The following SPATA13 variants were observed in gnomAD, a reference collection of about 807,000 sequenced individuals.
SPATA13 encodes spermatogenesis associated 13, also known as spermatogenesis-associated protein 13.
In SPATA13, 50 loss-of-function variants were observed where a neutral mutation model predicts 104.0. The ratio of observed to expected loss-of-function variants is 0.48; its 90% CI spans 0.38 to 0.61. SPATA13 has a LOEUF of 0.61. SPATA13 is among the 20% of genes least tolerant of loss of function. The pLI is 0.00. For synonymous variants in SPATA13, 606 were observed against 667.5 expected (o/e 0.91, Z 1.42); for missense variants, 1,524 against 1,690.6 (o/e 0.90, Z 1.73).
In SPATA13 at chr13:24,090,265, G is replaced by A. The variant is rs1047609363; in HGVS notation, c.-112+72564G>A. On this transcript the variant is annotated intron_variant, in intron 3 of 14. Coordinates refer to the SPATA13 transcript ENST00000424834. The stretch of plus-strand genomic sequence containing the variant: ...TGTGTTGACTTCTCTGCTCTGCTGT[G>A]GCCAGGGTCTTACTCATGCTGCTTG... Among the ~76,000 whole-genome samples the A allele has an allele frequency of 1.4e-4, 21 of 152,032 alleles. 1 individual carries two copies.
At chr13:24,231,449 C>T (rs1315890972) in intron 2 of SPATA13, among the ~76,000 whole-genome samples, 2 of 152,176 alleles carry the variant, frequency 1.3e-5, no homozygotes, top group Non-Finnish European at 2.9e-5. Flanking sequence ...CTTGTTAAGG[C>T]TGCGTAATAT....
intron 3 of SPATA13, among the ~76,000 whole-genome samples, chr13:24,042,461 T>C (rs1436730443): frequency 6.6e-6 from 1 of 152,222 alleles, no homozygotes; most frequent in Non-Finnish European, 1.5e-5. Context: ...ACCAGGCTGC[T>C]GTGTGAAGCC....
intron 3 of SPATA13, among the ~76,000 whole-genome samples, chr13:24,084,495 T>C (rs960406488): frequency 6.6e-6 from 1 of 151,360 alleles, no homozygotes; most frequent in Admixed American, 6.6e-5. Flanking sequence ...TAGCACCACC[T>C]GGGTTTCCTT....
intron 2 of SPATA13, among the ~76,000 whole-genome samples, chr13:24,238,034 T>C (rs1872658006): frequency 6.7e-6 from 1 of 148,374 alleles, no homozygotes; most frequent in African/African-American, 2.5e-5. Context: ...ACACACAAAA[T>C]TAAGTGATGT....
chr13:24,261,752 G>A (rs1388954248), intron 4 of SPATA13, among the ~76,000 whole-genome samples: 2 of 152,070 alleles, frequency 1.3e-5, no homozygotes, highest in African/African-American at 2.4e-5. Flanking sequence ...GGATCCAGTG[G>A]CAGGGAGGAG....
At chr13:24,190,248 A>G (rs1308839308) in intron 1 of SPATA13, among the ~76,000 whole-genome samples, 1 of 1,782 alleles carries the variant, frequency 5.6e-4, no homozygotes, top group African/African-American at 3.4e-3. Flanking sequence ...ATAACATATC[A>G]TATATAATAT....
intron 2 of SPATA13, among the ~76,000 whole-genome samples, chr13:24,014,193 C>T (rs1876606308): frequency 1.3e-5 from 2 of 152,190 alleles, no homozygotes; most frequent in African/African-American, 4.8e-5. Flanking sequence ...GGTAGCTTAA[C>T]TCCAGTCTCC....
At position 24,072,825 on chromosome 13, in the gene SPATA13, C is replaced by CTTTTTTTTTTTTT. The variant is rs11353469; in HGVS notation, c.-112+55130_-112+55142dup. 8.3e-4 allele frequency among the ~76,000 whole-genome samples: 100 copies of CTTTTTTTTTTTTT among 120,632 alleles called. 4 individuals carry two copies. The highest frequency in any genetic ancestry group is 1.5e-3 in the African/African-American group (47 of 32,292). The allele number at this position is 120,632 out of a possible 152,430, so 79.1% of individuals were successfully genotyped here. On this transcript the variant is annotated intron_variant, in intron 3 of 14. Coordinates refer to the SPATA13 transcript ENST00000424834. ...CCTCCTCAGTGTCTACTGTTGGCTC[C>CTTTTTTTTTTTTT]TTTTTTTTTTTTTTTTTTACATCCC...
chr13:24,018,350 A>G (rs997316833), intron 3 of SPATA13, among the ~76,000 whole-genome samples: 7 of 152,200 alleles, frequency 4.6e-5, no homozygotes, highest in Non-Finnish European at 8.8e-5. Context: ...CGTTTTTTCC[A>G]TCTTAGCATT....
chr13:24,294,871 A>G lies in SPATA13; in HGVS notation c.3210+3A>G. On this transcript the variant is annotated splice_donor_region_variant and intron_variant, in intron 10 of 12. Transcript: ENST00000382108. ...AGGTGTCTATCGTGGGCTGGGAGGT[A>G]AGTGGAAAGCACCCCACATGATCCC... The G allele has an allele frequency of 4.4e-6, 7 of 1,604,618 alleles. No homozygotes were observed. Among genetic ancestry groups the G allele is most frequent in the Non-Finnish European group, 6.0e-6 (7 of 1,172,062 alleles).
At chr13:24,027,990 T>C (rs1457083269) in intron 3 of SPATA13, among the ~76,000 whole-genome samples, 1 of 152,212 alleles carries the variant, frequency 6.6e-6, no homozygotes, top group Admixed American at 6.5e-5. Context: ...TAATTCTGTT[T>C]TAGTAGTTTT....
intron 2 of SPATA13, among the ~76,000 whole-genome samples, chr13:24,014,527 A>G (rs146226596): frequency 2.7e-4 from 41 of 152,350 alleles, no homozygotes; most frequent in African/African-American, 9.9e-4. Flanking sequence ...TCTTACAATA[A>G]AGTAAGCTAG....
At chr13:24,284,620 C>T in intron 5 of SPATA13, among the ~76,000 whole-genome samples, 1 of 152,132 alleles carries the variant, frequency 6.6e-6, no homozygotes, top group East Asian at 1.9e-4. Context: ...GCTGAGAGCA[C>T]ACCACTGCAC....
In SPATA13 at chr13:24,290,713, T is replaced by C; in HGVS notation, c.2909T>C (p.Leu970Pro). The C allele has an allele frequency of 6.2e-7, 1 of 1,614,198 alleles. No individual in the cohort carries two copies. The highest frequency in any genetic ancestry group is 8.5e-7 in the Non-Finnish European group (1 of 1,180,030). ...AACCACCCGGGCGCCTGCCTGGAGC[T>C]CGCCAACCTCATGAAGCAGGGCAAG... ...CNNHPGACLE[L>P]ANLMKQGKYR... The change falls in exon 9 of 13, where the codon CTC (leucine) becomes CCC (proline). Residue 970 changes from leucine to proline, a missense_variant. This residue lies in a region of SPATA13 where 435 missense variants were observed against 554.8 expected (regional missense o/e 0.78). Coordinates refer to ENST00000382108, the MANE Select transcript of SPATA13 (RefSeq NM_001166271.3).
At chr13:24,029,363 A>AT (rs112537229) in intron 3 of SPATA13, among the ~76,000 whole-genome samples, 1 of 152,060 alleles carries the variant, frequency 6.6e-6, no homozygotes, top group Non-Finnish European at 1.5e-5. Flanking sequence ...TTTAGCTTAC[A>AT]TTTTTTTAGA....
At chr13:24,099,257 T>C (rs1014659806) in intron 3 of SPATA13, among the ~76,000 whole-genome samples, 1 of 152,148 alleles carries the variant, frequency 6.6e-6, no homozygotes, top group Admixed American at 6.5e-5. Context: ...AGGATGAGCA[T>C]CTCTTTATAA....
At chr13:24,222,701 T>A (rs1012203620) in intron 1 of SPATA13, 118 bp from the exon 2 acceptor site, 6 of 800,848 alleles carry the variant, frequency 7.5e-6, no homozygotes, top group Non-Finnish European at 1.2e-5. Context: ...CAGTTTTAAT[T>A]GAGTTTGAAG....
chr13:24,288,140 C>T (rs1331167618), intron 7 of SPATA13, among the ~76,000 whole-genome samples: 1 of 152,214 alleles, frequency 6.6e-6, no homozygotes, highest in Admixed American at 6.5e-5. Flanking sequence ...TGTCACCCCT[C>T]ACCTGGATTA....
intron 3 of SPATA13, among the ~76,000 whole-genome samples, chr13:24,049,665 C>T (rs762254525): frequency 1.3e-5 from 2 of 152,046 alleles, no homozygotes; most frequent in African/African-American, 2.4e-5. Context: ...TGATACCAAC[C>T]TCAGGCTACT....
Sources: allele counts gnomAD v4.1 joint callset (sites outside exome capture counted in the v4.1 genomes callset), GRCh38; gene constraint gnomAD v4.1.1; regional missense constraint gnomAD v4.1.1; transcripts MANE v1.5; gene names NCBI Gene and HGNC (gene_info 2026-07-23, HGNC 2026-07-21).